CSTPP1: variants seen among roughly 807,000 people sequenced by gnomAD.
The protein encoded by CSTPP1 is UPF0705 protein C11orf49.
the CSTPP1 span, among the ~76,000 whole-genome samples, chr11:47,117,144 A>G: frequency 6.6e-6 from 1 of 152,116 alleles, no homozygotes; most frequent in Non-Finnish European, 1.5e-5. Flanking sequence ...ATTTAAGGTT[A>G]ATATTTTTGT....
the CSTPP1 span, among the ~76,000 whole-genome samples, chr11:46,944,225 C>T: frequency 2.9e-5 from 4 of 136,414 alleles, no homozygotes; most frequent in Admixed American, 2.3e-4. Flanking sequence ...GGTTGAGACA[C>T]GAGAATTGCT....
chr11:47,117,496 T>C, the CSTPP1 span, among the ~76,000 whole-genome samples: 1 of 152,326 alleles, frequency 6.6e-6, no homozygotes, highest in East Asian at 1.9e-4. Context: ...TGCCGAGAGA[T>C]CCACTGTTAG....
chr11:47,149,324 C>T, the CSTPP1 span, among the ~76,000 whole-genome samples: 1 of 152,230 alleles, frequency 6.6e-6, no homozygotes, highest in African/African-American at 2.4e-5. Flanking sequence ...CGGCCGGGCA[C>T]CTCCAGGTGT....
chr11:47,025,305 G>A, the CSTPP1 span, among the ~76,000 whole-genome samples: 1 of 152,156 alleles, frequency 6.6e-6, no homozygotes, highest in African/African-American at 2.4e-5. Context: ...GGAAATAACG[G>A]TAGTAAAGTT....
At chr11:47,092,072 T>G in the CSTPP1 span, among the ~76,000 whole-genome samples, 2 of 152,244 alleles carry the variant, frequency 1.3e-5, no homozygotes, top group Non-Finnish European at 2.9e-5. Flanking sequence ...GCATTATACT[T>G]TCTCCTTGTA....
chr11:47,059,456 G>C, the CSTPP1 span, among the ~76,000 whole-genome samples: 47 of 152,260 alleles, frequency 3.1e-4, no homozygotes, highest in Middle Eastern at 3.4e-3. Context: ...GCACAAGGGA[G>C]AAAATAGTCA....
chr11:46,949,106 TA>T, the CSTPP1 span, among the ~76,000 whole-genome samples: 1 of 151,782 alleles, frequency 6.6e-6, no homozygotes, highest in South Asian at 2.1e-4. Context: ...GAGTTCCTTA[TA>T]GGGAAGGTAT....
At chr11:47,156,494 C>T in the CSTPP1 span, among the ~76,000 whole-genome samples, 1 of 152,228 alleles carries the variant, frequency 6.6e-6, no homozygotes, top group Non-Finnish European at 1.5e-5. Flanking sequence ...CTCTGTTCCT[C>T]GCTGGTATTC....
At chr11:47,106,971 C>T in the CSTPP1 span, among the ~76,000 whole-genome samples, 6 of 152,160 alleles carry the variant, frequency 3.9e-5, no homozygotes, top group Admixed American at 1.3e-4. Context: ...AACAAGGATA[C>T]GCTGTTTCCC....
chr11:47,161,861 C>A, the CSTPP1 span: 1 of 1,338,420 alleles, frequency 7.5e-7, no homozygotes, highest in Non-Finnish European at 9.6e-7. Context: ...CTGTGAACTT[C>A]ACTTAGGCCC....
the CSTPP1 span, chr11:47,164,259 G>A: frequency 6.2e-7 from 1 of 1,610,706 alleles, no homozygotes; most frequent in Non-Finnish European, 8.5e-7. Flanking sequence ...GTGAGGCCAG[G>A]GGCCGGCACT....
the CSTPP1 span, among the ~76,000 whole-genome samples, chr11:47,005,797 T>C: frequency 2.0e-5 from 3 of 152,202 alleles, no homozygotes; most frequent in Non-Finnish European, 4.4e-5. Context: ...ACATAATTGT[T>C]GGAATGATTA....
At chr11:47,010,693 G>A in the CSTPP1 span, among the ~76,000 whole-genome samples, 1 of 152,112 alleles carries the variant, frequency 6.6e-6, no homozygotes, top group African/African-American at 2.4e-5. Flanking sequence ...GAGTCATTTA[G>A]GAATGTATTA....
At chr11:47,050,262 C>G in the CSTPP1 span, among the ~76,000 whole-genome samples, 1 of 152,136 alleles carries the variant, frequency 6.6e-6, no homozygotes. Context: ...ATACATTCTA[C>G]CTGGCATCAC....
the CSTPP1 span, among the ~76,000 whole-genome samples, chr11:47,128,838 A>T: frequency 3.3e-5 from 5 of 152,176 alleles, no homozygotes; most frequent in African/African-American, 1.2e-4. Context: ...AAGTCAGACC[A>T]AGTTCTTTTC....
the CSTPP1 span, among the ~76,000 whole-genome samples, chr11:47,133,408 G>C: frequency 0.014 from 2,121 of 152,300 alleles, 26 homozygotes; most frequent in Non-Finnish European, 0.022. Flanking sequence ...TTCTAATTGT[G>C]GGGGGATCTA....
chr11:46,984,454 A>G, the CSTPP1 span, among the ~76,000 whole-genome samples: 1 of 152,230 alleles, frequency 6.6e-6, no homozygotes, highest in Non-Finnish European at 1.5e-5. Flanking sequence ...CAAAAATGGT[A>G]GCTGTTATTA....
chr11:47,041,828 G>T, the CSTPP1 span: 1 of 423,800 alleles, frequency 2.4e-6, no homozygotes, highest in Non-Finnish European at 4.8e-6. Flanking sequence ...TTTGATAGCT[G>T]GATGGCCAGG....
chr11:46,965,048 G>T, the CSTPP1 span, among the ~76,000 whole-genome samples: 1 of 151,760 alleles, frequency 6.6e-6, no homozygotes, highest in African/African-American at 2.4e-5. Flanking sequence ...AGACTGGGGG[G>T]GTCGATTTCT....
Sources: allele counts gnomAD v4.1 joint callset (sites outside exome capture counted in the v4.1 genomes callset), GRCh38; gene constraint gnomAD v4.1.1; transcripts MANE v1.5; gene names NCBI Gene and HGNC (gene_info 2026-07-23, HGNC 2026-07-21).